The following TMEM117 variants were observed in gnomAD, a reference collection of about 807,000 sequenced individuals.
The protein encoded by TMEM117 is transmembrane protein 117.
TMEM117 carries 27 observed loss-of-function variants against 52.4 expected under a neutral mutation model. That is an observed-to-expected ratio of 0.51 (90% CI 0.38 to 0.71). The LOEUF (loss-of-function observed/expected upper bound fraction) is 0.71, where lower values mean the gene tolerates loss of function less well. Among genes scored for constraint, TMEM117 ranks in the 30% least tolerant of loss-of-function variants. The pLI is 0.00. For synonymous variants in TMEM117, 215 were observed against 206.3 expected (o/e 1.04, Z -0.36); for missense variants, 556 against 630.5 (o/e 0.88, Z 1.26).
At chr12:44,011,282 G>A (rs546782892) in intron 3 of TMEM117, among the ~76,000 whole-genome samples, 5 of 152,206 alleles carry the variant, frequency 3.3e-5, no homozygotes, top group East Asian at 1.9e-4. Context: ...ATAGTACCAA[G>A]CCCTGTATAT....
downstream of TMEM117, among the ~76,000 whole-genome samples, chr12:44,392,238 G>A (rs570567673): frequency 6.6e-6 from 1 of 152,272 alleles, no homozygotes; most frequent in East Asian, 1.9e-4. Flanking sequence ...AGAAAAAGAG[G>A]TGGATATTTA....
intron 3 of TMEM117, among the ~76,000 whole-genome samples, chr12:43,952,671 A>G (rs1300729087): frequency 6.6e-6 from 1 of 152,200 alleles, no homozygotes; most frequent in Non-Finnish European, 1.5e-5. Context: ...CAACTGATTG[A>G]AGTACCTGAA....
the TMEM117 span, among the ~76,000 whole-genome samples, chr12:43,821,205 A>G: frequency 0.014 from 2,080 of 152,328 alleles, 37 homozygotes; most frequent in African/African-American, 0.048. Context: ...GGGACTAAGC[A>G]AATATTTTTT....
intron 3 of TMEM117, among the ~76,000 whole-genome samples, chr12:44,092,361 G>C (rs965658939): frequency 1.3e-5 from 2 of 152,100 alleles, no homozygotes; most frequent in Admixed American, 6.6e-5. Flanking sequence ...GCAGTGTTTG[G>C]CTGAGCTCAG....
At chr12:43,942,513 T>A (rs1945059691) in intron 2 of TMEM117, among the ~76,000 whole-genome samples, 1 of 152,184 alleles carries the variant, frequency 6.6e-6, no homozygotes, top group Non-Finnish European at 1.5e-5. Flanking sequence ...TCCACTTTCT[T>A]CTTTTAGTTA....
chr12:44,266,655 T>G (rs1197054466), intron 5 of TMEM117, among the ~76,000 whole-genome samples: 3 of 152,146 alleles, frequency 2.0e-5, no homozygotes, highest in Non-Finnish European at 4.4e-5. Flanking sequence ...TTTTCTTTGG[T>G]CAGACTTCAG....
Position 44,224,793 on chromosome 12 carries a change from G to A in TMEM117, c.608+13406G>A, listed in dbSNP as rs1527317. Among the ~76,000 whole-genome samples, 364 of 152,198 alleles carry A rather than the reference G, an allele frequency of 2.4e-3. 12 individuals carry two copies. The East Asian group carries it at 0.035, about 15-fold the overall frequency. On this transcript the variant is annotated intron_variant, in intron 5 of 7. Transcript: ENST00000266534. The stretch of plus-strand genomic sequence containing the variant: ...ATTTTGCTATAAGAAATCAGTGAGT[G>A]CAGGTGTCATTGTATGGTAAACTGG...
At chr12:44,275,259 C>T (rs1446806585) in intron 5 of TMEM117, among the ~76,000 whole-genome samples, 1 of 152,060 alleles carries the variant, frequency 6.6e-6, no homozygotes, top group African/African-American at 2.4e-5. Flanking sequence ...TGTCGTCTCA[C>T]CCCAGTTAAA....
chr12:43,955,391 C>T (rs1378604570), intron 3 of TMEM117, among the ~76,000 whole-genome samples: 2 of 152,148 alleles, frequency 1.3e-5, no homozygotes, highest in Non-Finnish European at 2.9e-5. Flanking sequence ...TATGTAGAAA[C>T]CCTATCATCT....
intron 2 of TMEM117, among the ~76,000 whole-genome samples, chr12:43,912,347 TG>T (rs1398299405): frequency 6.7e-6 from 1 of 148,842 alleles, no homozygotes. Flanking sequence ...GGGACTGTTG[TG>T]GGGTGGGGGA....
chr12:44,001,153 T>G (rs556920482), intron 3 of TMEM117, among the ~76,000 whole-genome samples: 1 of 152,292 alleles, frequency 6.6e-6, no homozygotes, highest in East Asian at 1.9e-4. Flanking sequence ...ATATGGAGAT[T>G]TTGTACCACT....
At chr12:43,953,952 G>C (rs1199704751) in intron 3 of TMEM117, among the ~76,000 whole-genome samples, 1 of 152,080 alleles carries the variant, frequency 6.6e-6, no homozygotes, top group Non-Finnish European at 1.5e-5. Context: ...CATAACAAAA[G>C]TCTCTCAGAC....
At chr12:44,119,675 A>G (rs567260179) in intron 3 of TMEM117, among the ~76,000 whole-genome samples, 1 of 152,276 alleles carries the variant, frequency 6.6e-6, no homozygotes, top group African/African-American at 2.4e-5. Context: ...GGCTGTGTGT[A>G]GGAGCTTTAG....
intron 3 of TMEM117, among the ~76,000 whole-genome samples, chr12:43,981,546 G>A (rs758583089): frequency 1.3e-5 from 2 of 152,142 alleles, no homozygotes; most frequent in East Asian, 1.9e-4. Context: ...AGAAGTGTTC[G>A]AGAAACTGTG....
At chr12:44,045,064 G>T (rs1946859007) in intron 3 of TMEM117, among the ~76,000 whole-genome samples, 1 of 152,228 alleles carries the variant, frequency 6.6e-6, no homozygotes. Flanking sequence ...GACCTCAGCA[G>T]AGGAGGATTT....
intron 3 of TMEM117, among the ~76,000 whole-genome samples, chr12:43,979,781 C>T (rs186524630): frequency 1.8e-4 from 28 of 152,204 alleles, no homozygotes; most frequent in African/African-American, 6.7e-4. Context: ...TTAAATTGCT[C>T]CTCAACTAAT....
rs562920215 is a variant in TMEM117, at chr12:44,320,185, T to C, written c.768+20446T>C. Among the ~76,000 whole-genome samples, 239 of 152,284 alleles carry C rather than the reference T, an allele frequency of 1.6e-3. 3 individuals are homozygous for C. Among genetic ancestry groups the C allele is most frequent in the African/African-American group, 5.3e-3 (222 of 41,564 alleles). ...TCCAGTCACTCACACCAAAAAACCTTTTAAAAATCCAAGATTTCTCTTTCC... is the reference window on the plus strand; with the variant it reads ...TCCAGTCACTCACACCAAAAAACCTCTTAAAAATCCAAGATTTCTCTTTCC... On this transcript the variant is annotated intron_variant, in intron 6 of 7. Transcript: ENST00000266534.
At chr12:44,225,054 A>G (rs762073175) in intron 5 of TMEM117, among the ~76,000 whole-genome samples, 1 of 152,184 alleles carries the variant, frequency 6.6e-6, no homozygotes, top group Non-Finnish European at 1.5e-5. Flanking sequence ...CTTGATGAGA[A>G]TCACTGAATG....
intron 3 of TMEM117, among the ~76,000 whole-genome samples, chr12:44,063,948 T>C (rs1390927744): frequency 6.6e-6 from 1 of 151,962 alleles, no homozygotes; most frequent in Non-Finnish European, 1.5e-5. Context: ...AGGAGGGAAA[T>C]TTAAAATAAT....
Sources: allele counts gnomAD v4.1 joint callset (sites outside exome capture counted in the v4.1 genomes callset), GRCh38; gene constraint gnomAD v4.1.1; transcripts MANE v1.5; gene names NCBI Gene and HGNC (gene_info 2026-07-23, HGNC 2026-07-21).